The following ZNF316 variants were observed in gnomAD, a reference collection of about 807,000 sequenced individuals.
ZNF316 encodes zinc finger protein 316.
ZNF316 carries 23 observed loss-of-function variants against 75.6 expected under a neutral mutation model. The observed-to-expected ratio is 0.30, with a 90% CI of 0.22 to 0.43. The LOEUF is 0.43. Among genes scored for constraint, ZNF316 ranks in the 20% least tolerant of loss-of-function variants. ZNF316 has a pLI of 1.00. For synonymous variants in ZNF316, 827 were observed against 666.2 expected (o/e 1.24, Z -3.72); for missense variants, 1,266 against 1,409.4 (o/e 0.90, Z 1.63).
rs1409470997 is a variant in ZNF316, at chr7:6,637,686, C to T, written c.-430-160C>T. The stretch of plus-strand genomic sequence containing the variant: ...CCCGTCCGGGCCTGCGCGTTGCCGA[C>T]CCCCGGGGCCGGTCCGGGCAGGAGG... On this transcript the variant is annotated intron_variant, in intron 1 of 8. Transcript: ENST00000382252. This position sits in a 1 kb window ranked among gnomAD's most constrained non-coding sequence, Gnocchi z 6.2. 1.3e-5 allele frequency among the ~76,000 whole-genome samples: 2 copies of T among 151,378 alleles called. No individual in the cohort carries two copies. The highest frequency in any genetic ancestry group is 3.0e-5 in the Non-Finnish European group (2 of 67,782).
intron 8 of ZNF316, among the ~76,000 whole-genome samples, chr7:6,647,334 G>A (rs978080131): frequency 6.6e-6 from 1 of 152,184 alleles, no homozygotes; most frequent in Non-Finnish European, 1.5e-5. Context: ...CGAGAGCCCC[G>A]CCTCCCCCAA....
Position 6,655,437 on chromosome 7 carries a change from CT to C in ZNF316, c.*828del, listed in dbSNP as rs1779604776. ...TTGGTCTCTGCTTGTCCTCTCAGTC[CT>C]TGGTACTTTCGTCTCCCTCAGCCGG... On this transcript the variant is annotated 3_prime_UTR_variant, in exon 9 of 9. Coordinates refer to ENST00000382252, the MANE Select transcript of ZNF316 (RefSeq NM_001278559.2). The C allele has an allele frequency of 6.6e-6, 1 of 152,216 alleles. No individual in the cohort carries two copies. Among genetic ancestry groups the C allele is most frequent in the Non-Finnish European group, 1.5e-5 (1 of 68,126 alleles). 9.4% of individuals were successfully genotyped at this position (152,216 alleles called of 1,614,324 possible). A position where few individuals can be genotyped will look rare whatever the true frequency, so the allele number is the denominator to read the frequency against.
chr7:6,645,500 A>G (rs1036832783), intron 8 of ZNF316, among the ~76,000 whole-genome samples: 15 of 151,336 alleles, frequency 9.9e-5, no homozygotes, highest in Non-Finnish European at 1.6e-4. Flanking sequence ...CCCGACCAAC[A>G]TGGCAAAACC....
At position 6,642,189 on chromosome 7, in the gene ZNF316, G is replaced by C. The variant is rs544580851; in HGVS notation, c.-28-193G>C. On this transcript the variant is annotated intron_variant, in intron 4 of 8. Coordinates refer to ENST00000382252, the MANE Select transcript of ZNF316 (RefSeq NM_001278559.2). The surrounding 1 kb of genome is among the most constrained non-coding windows in gnomAD (Gnocchi z 8.1). ...GGGGCCATTGGGGCAGCCTTTCTGGGTACAGAATGTCTTGATGGTGCAGGG... is the reference window on the plus strand; with the variant it reads ...GGGGCCATTGGGGCAGCCTTTCTGGCTACAGAATGTCTTGATGGTGCAGGG... The C allele has an allele frequency of 5.1e-6, 2 of 391,300 alleles. No homozygotes were observed. The highest frequency in any genetic ancestry group is 8.9e-5 in the Admixed American group (2 of 22,402). The allele number at this position is 391,300 out of a possible 1,614,324, so 24.2% of individuals were successfully genotyped here.
Position 6,653,269 on chromosome 7 carries a change from A to AGGCGGCGGT in ZNF316, c.1681_1689dup (p.Val561_Ala563dup). 1 of 1,227,296 alleles carries AGGCGGCGGT rather than the reference A, an allele frequency of 8.1e-7. No homozygotes were observed. The highest frequency in any genetic ancestry group is 1.0e-6 in the Non-Finnish European group (1 of 985,818). The allele number at this position is 1,227,296 out of a possible 1,614,324, so 76.0% of individuals were successfully genotyped here. ...GAGGCCGCGGCCGAGGAGAGAGAGG[A>AGGCGGCGGT]GGCGGCGGTGGCGGCGCCCACCCCC... On this transcript the variant is annotated inframe_insertion, in exon 9 of 9. Coordinates refer to ENST00000382252, the MANE Select transcript of ZNF316 (RefSeq NM_001278559.2).
At chr7:6,649,457 G>C (rs76983252) in intron 8 of ZNF316, among the ~76,000 whole-genome samples, 1 of 152,202 alleles carries the variant, frequency 6.6e-6, no homozygotes, top group African/African-American at 2.4e-5. Context: ...CTGATGAGTT[G>C]AGCTGTGATG....
At chr7:6,641,147 G>T (rs979171728) in intron 3 of ZNF316, among the ~76,000 whole-genome samples, 1 of 152,202 alleles carries the variant, frequency 6.6e-6, no homozygotes, top group East Asian at 1.9e-4. Flanking sequence ...GACTGTTCTC[G>T]TGAAGGCCAC....
chr7:6,653,853 G>A lies in ZNF316; in HGVS notation c.2257G>A (p.Gly753Ser), dbSNP rs1779566184. ...GERPFPCPEC[G>S]ARFARGSHLA... Reference sequence around the variant, plus strand: ...GCGGCCCTTCCCGTGCCCCGAGTGCGGCGCGCGGTTCGCCCGCGGCTCGCA... The same window carrying A: ...GCGGCCCTTCCCGTGCCCCGAGTGCAGCGCGCGGTTCGCCCGCGGCTCGCA... Residue 753 changes from glycine to serine, a missense_variant, in exon 9 of 9, where the codon GGC becomes AGC. This residue lies in a region of ZNF316 where 194 missense variants were observed against 319.2 expected (regional missense o/e 0.61). Transcript: ENST00000382252. 9 of 1,082,212 alleles carry A rather than the reference G, an allele frequency of 8.3e-6. No individual in the cohort carries two copies. The highest frequency in any genetic ancestry group is 1.0e-5 in the Non-Finnish European group (9 of 891,264). 67.0% of individuals were successfully genotyped at this position (1,082,212 alleles called of 1,614,324 possible). A position where few individuals can be genotyped will look rare whatever the true frequency, so the allele number is the denominator to read the frequency against.
chr7:6,652,257 C>G (rs1350975243), intron 8 of ZNF316, 46 bp from the exon 9 acceptor site: 1 of 1,231,920 alleles, frequency 8.1e-7, no homozygotes, highest in African/African-American at 1.6e-5. Context: ...AGGCTCCTGT[C>G]AAGTTCACTT....
In ZNF316 at chr7:6,652,920, T is replaced by G; in HGVS notation, c.1324T>G (p.Ser442Ala). ...AFCGAGFGRR[S>A]YLVTHQRTHT... The stretch of plus-strand genomic sequence containing the variant: ...CTGCGGCGCGGGCTTCGGGCGCCGC[T>G]CCTACCTGGTCACGCACCAGCGCAC... Residue 442 changes from serine to alanine, a missense_variant, in exon 9 of 9, where the codon TCC becomes GCC. Transcript: ENST00000382252. 1.4e-5 allele frequency: 18 copies of G among 1,243,070 alleles called. No homozygotes were observed. Among genetic ancestry groups the G allele is most frequent in the Non-Finnish European group, 1.8e-5 (18 of 993,078 alleles). 77.0% of individuals were successfully genotyped at this position (1,243,070 alleles called of 1,614,324 possible). A position where few individuals can be genotyped will look rare whatever the true frequency, so the allele number is the denominator to read the frequency against.
At chr7:6,650,046 G>T (rs1020737397) in intron 8 of ZNF316, among the ~76,000 whole-genome samples, 19 of 152,210 alleles carry the variant, frequency 1.2e-4, no homozygotes, top group African/African-American at 4.6e-4. Context: ...GCTGTTTCCT[G>T]AGGTACCGAT....
intron 8 of ZNF316, among the ~76,000 whole-genome samples, chr7:6,648,090 T>C (rs755796866): frequency 6.6e-6 from 1 of 152,190 alleles, no homozygotes; most frequent in Non-Finnish European, 1.5e-5. Flanking sequence ...GGTGGGATTC[T>C]GGGTAAATGC....
intron 2 of ZNF316, among the ~76,000 whole-genome samples, chr7:6,638,657 G>A (rs753503614): frequency 6.6e-6 from 1 of 152,154 alleles, no homozygotes. Flanking sequence ...GTTTGGGGCC[G>A]GGTGAGGTGG....
chr7:6,654,469 C>G lies in ZNF316; in HGVS notation c.2873C>G (p.Ala958Gly), dbSNP rs1779579940. 1 of 1,191,388 alleles carries G rather than the reference C, an allele frequency of 8.4e-7. No homozygotes were observed. The highest frequency in any genetic ancestry group is 4.2e-5 in the South Asian group (1 of 24,066). 73.8% of individuals were successfully genotyped at this position (1,191,388 alleles called of 1,614,324 possible). The change falls in exon 9 of 9, where the codon GCG becomes GGG. Residue 958 changes from alanine to glycine, a missense_variant. Transcript: ENST00000382252. ...CCAGCCCCCGCGCCCAAGCCCGAGGCGGCCGCCAAGGGGCCGTCCAGTGCC... is the reference window on the plus strand; with the variant it reads ...CCAGCCCCCGCGCCCAAGCCCGAGGGGGCCGCCAAGGGGCCGTCCAGTGCC... ...SAPAPAPKPE[A>G]AAKGPSSAGP...
intron 8 of ZNF316, among the ~76,000 whole-genome samples, chr7:6,650,988 G>C (rs1463719612): frequency 6.6e-6 from 1 of 152,206 alleles, no homozygotes; most frequent in South Asian, 2.1e-4. Flanking sequence ...TGCCTCGCAA[G>C]GCTGAAGGGA....
rs571805004 is a variant in ZNF316 at position 6,639,368 on chromosome 7, G to C, written c.-167+227G>C. Among the ~76,000 whole-genome samples the C allele has an allele frequency of 6.6e-6, 1 of 152,294 alleles. No individual in the cohort carries two copies. The highest frequency in any genetic ancestry group is 2.4e-5 in the African/African-American group (1 of 41,566). On this transcript the variant is annotated intron_variant, in intron 3 of 8. Transcript: ENST00000382252. The surrounding 1 kb of genome is among the most constrained non-coding windows in gnomAD (Gnocchi z 4.2). ...GGGAGCTTCTGCCGCCCAGGAGCTG[G>C]CTGTACTCAGGGAGAGAGATGATAA...
At chr7:6,650,253 C>A (rs374515726) in intron 8 of ZNF316, among the ~76,000 whole-genome samples, 1 of 152,086 alleles carries the variant, frequency 6.6e-6, no homozygotes, top group African/African-American at 2.4e-5. Context: ...GGCTGCCAGT[C>A]GGGGAAGGGT....
rs1779584307 is a variant in ZNF316, at chr7:6,654,620, G to A, written c.*9G>A. 1 of 1,185,030 alleles carries A rather than the reference G, an allele frequency of 8.4e-7. No homozygotes were observed. Among genetic ancestry groups the A allele is most frequent in the African/African-American group, 1.6e-5 (1 of 62,356 alleles). The allele number at this position is 1,185,030 out of a possible 1,614,324, so 73.4% of individuals were successfully genotyped here. ...GGGAGGGCGTCCTGTGAGGGGCCCG[G>A]GGCCGACAGCAGCGCAGCCTGCAGG... On this transcript the variant is annotated 3_prime_UTR_variant, in exon 9 of 9. Transcript: ENST00000382252.
Position 6,652,501 on chromosome 7 carries a change from G to A in ZNF316, c.905G>A (p.Gly302Asp). Reference sequence around the variant, plus strand: ...CCAGAGGGGTGGGGACCCGACCCAGGCGGCCTGGGGGTCCTGGCCGACGGC... The same window carrying A: ...CCAGAGGGGTGGGGACCCGACCCAGACGGCCTGGGGGTCCTGGCCGACGGC... The part of the protein sequence containing the change: ...QTPEGWGPDP[G>D]GLGVLADGSE... The change falls in exon 9 of 9, where the codon GGC (glycine) becomes GAC (aspartate). Residue 302 changes from glycine to aspartate, a missense_variant. By Grantham distance (94) the Gly-to-Asp change is moderately conservative. Transcript: ENST00000382252. The A allele has an allele frequency of 1.6e-6, 2 of 1,231,434 alleles. No homozygotes were observed. The highest frequency in any genetic ancestry group is 8.4e-5 in the Admixed American group (2 of 23,712). 76.3% of individuals were successfully genotyped at this position (1,231,434 alleles called of 1,614,324 possible). A position where few individuals can be genotyped will look rare whatever the true frequency, so the allele number is the denominator to read the frequency against.
Sources: allele counts gnomAD v4.1 joint callset (sites outside exome capture counted in the v4.1 genomes callset), GRCh38; gene constraint gnomAD v4.1.1; regional missense constraint gnomAD v4.1.1; non-coding constraint Gnocchi (gnomAD v3.1); transcripts MANE v1.5; gene names NCBI Gene and HGNC (gene_info 2026-07-23, HGNC 2026-07-21).